DDX10: variants seen among roughly 807,000 people sequenced by gnomAD.
DDX10 encodes probable ATP-dependent RNA helicase DDX10.
A neutral mutation model predicts 104.3 loss-of-function variants in DDX10; 74 were observed. The observed-to-expected ratio is 0.71, with a 90% CI of 0.59 to 0.86. The LOEUF (loss-of-function observed/expected upper bound fraction) is 0.86, where lower values mean the gene tolerates loss of function less well. DDX10 is among the 40% of genes least tolerant of loss of function. The pLI, the probability that DDX10 is intolerant of heterozygous loss-of-function variation, is 0.00. For missense variants in DDX10, 952 were observed against 1,040.0 expected (o/e 0.92, Z 1.16); for synonymous variants, 351 against 353.4 (o/e 0.99, Z 0.08).
Position 108,778,582 on chromosome 11 carries a change from A to G in DDX10, c.1965+55120A>G, listed in dbSNP as rs565086545. ...AGACTTAAATATTAGACCTAAAACC[A>G]TAAAAACCCTAGAAGAAAACCTAGG... On this transcript the variant is annotated intron_variant, in intron 13 of 17. Coordinates refer to ENST00000322536, the MANE Select transcript of DDX10 (RefSeq NM_004398.4). 2.0e-5 allele frequency among the ~76,000 whole-genome samples: 3 copies of G among 152,336 alleles called. No individual in the cohort carries two copies. The East Asian group carries it at 5.8e-4, about 29-fold the overall frequency.
At chr11:108,884,806 C>T (rs1863273314) in intron 16 of DDX10, among the ~76,000 whole-genome samples, 1 of 152,206 alleles carries the variant, frequency 6.6e-6, no homozygotes, top group African/African-American at 2.4e-5. Context: ...TCCCCCTTAA[C>T]TTCAGTTATG....
At chr11:108,894,858 C>T (rs1056651206) in intron 16 of DDX10, among the ~76,000 whole-genome samples, 7 of 151,910 alleles carry the variant, frequency 4.6e-5, no homozygotes, top group African/African-American at 9.7e-5. Flanking sequence ...AGAGGAAAAA[C>T]GTCCTTTACT....
chr11:108,907,592 A>G (rs893795144), intron 16 of DDX10, among the ~76,000 whole-genome samples: 1 of 152,032 alleles, frequency 6.6e-6, no homozygotes, highest in African/African-American at 2.4e-5. Flanking sequence ...AAATTTCTAC[A>G]TGGTTAGGTG....
intron 17 of DDX10, among the ~76,000 whole-genome samples, chr11:108,925,603 G>A (rs992540000): frequency 5.9e-5 from 9 of 152,134 alleles, no homozygotes; most frequent in Admixed American, 5.9e-4. Context: ...CATGCCTAAT[G>A]ACTGCAAACT....
intron 15 of DDX10, among the ~76,000 whole-genome samples, chr11:108,843,586 C>T (rs1386542582): frequency 6.6e-6 from 1 of 151,770 alleles, no homozygotes; most frequent in Non-Finnish European, 1.5e-5. Context: ...AGTGAAACCC[C>T]ATCTACTAAA....
intron 10 of DDX10, among the ~76,000 whole-genome samples, chr11:108,707,173 T>A (rs2094277298): frequency 6.6e-6 from 1 of 152,218 alleles, no homozygotes; most frequent in Non-Finnish European, 1.5e-5. Context: ...GTCCATTCTG[T>A]GTGCTTGCAC....
chr11:108,935,402 T>G (rs1864024260), intron 17 of DDX10, among the ~76,000 whole-genome samples: 2 of 152,106 alleles, frequency 1.3e-5, no homozygotes. Flanking sequence ...TCTTTAAAGA[T>G]TATACTAATA....
chr11:108,707,517 G>A (rs1387513074), intron 10 of DDX10, among the ~76,000 whole-genome samples: 1 of 152,058 alleles, frequency 6.6e-6, no homozygotes, highest in African/African-American at 2.4e-5. Flanking sequence ...CCTACTGAAG[G>A]AGATTTTTTT....
At chr11:108,868,613 G>C (rs959548263) in intron 16 of DDX10, among the ~76,000 whole-genome samples, 2 of 152,024 alleles carry the variant, frequency 1.3e-5, no homozygotes, top group African/African-American at 4.8e-5. Flanking sequence ...GATGGCACTG[G>C]TCTAATGTTA....
intron 13 of DDX10, among the ~76,000 whole-genome samples, chr11:108,804,739 CT>C (rs1387572451): frequency 6.6e-6 from 1 of 152,100 alleles, no homozygotes; most frequent in Non-Finnish European, 1.5e-5. Context: ...GAATGCATTT[CT>C]TTTGACAGCT....
At chr11:108,757,822 AC>A (rs1231221255) in intron 13 of DDX10, among the ~76,000 whole-genome samples, 1 of 151,894 alleles carries the variant, frequency 6.6e-6, no homozygotes. Context: ...TCAGCTAGTT[AC>A]TGCTTGCTGT....
At chr11:108,926,980 C>G (rs888614021) in intron 17 of DDX10, among the ~76,000 whole-genome samples, 1 of 152,160 alleles carries the variant, frequency 6.6e-6, no homozygotes, top group Admixed American at 6.5e-5. Flanking sequence ...GCGCTAAATT[C>G]TTGTCTCTCA....
At chr11:108,811,744 T>C (rs953288439) in intron 13 of DDX10, among the ~76,000 whole-genome samples, 27 of 152,182 alleles carry the variant, frequency 1.8e-4, no homozygotes, top group African/African-American at 6.3e-4. Flanking sequence ...TGTCCAGTTA[T>C]ATTTTGTCAT....
At chr11:108,933,976 A>G (rs897385427) in intron 17 of DDX10, among the ~76,000 whole-genome samples, 4 of 152,218 alleles carry the variant, frequency 2.6e-5, no homozygotes, top group African/African-American at 9.7e-5. Flanking sequence ...TTTTGTCCTT[A>G]GGGAACTTGT....
rs1309761546 is a variant in DDX10, at chr11:108,836,908, C to CT, written c.1966-1536dup. Among the ~76,000 whole-genome samples, 3 of 152,308 alleles carry CT rather than the reference C, an allele frequency of 2.0e-5. No individual in the cohort carries two copies. The South Asian group carries it at 6.2e-4, about 32-fold the overall frequency. ...TGTAACAGTTGTGACCAATGCGCTG[C>CT]TTCCCAAAGCTTCTGGTAATTATAG... On this transcript the variant is annotated intron_variant, in intron 13 of 17. Coordinates refer to ENST00000322536, the MANE Select transcript of DDX10 (RefSeq NM_004398.4).
In DDX10 at chr11:108,701,308, C is replaced by A. The variant is rs188011115; in HGVS notation, c.1224-5431C>A. On this transcript the variant is annotated intron_variant, in intron 9 of 17. Coordinates refer to ENST00000322536, the MANE Select transcript of DDX10 (RefSeq NM_004398.4). The stretch of plus-strand genomic sequence containing the variant: ...CATAACAGACTGCACTGTTCTCCCC[C>A]AGTGACATGAAATCTTGGGGATGGT... 1.1e-4 allele frequency among the ~76,000 whole-genome samples: 16 copies of A among 152,200 alleles called. No individual in the cohort carries two copies. In the East Asian group the frequency reaches 2.9e-3, roughly 28 times the overall value.
At chr11:108,914,923 G>A (rs1308669858) in intron 16 of DDX10, among the ~76,000 whole-genome samples, 1 of 151,580 alleles carries the variant, frequency 6.6e-6, no homozygotes, top group Non-Finnish European at 1.5e-5. Context: ...AAGCAGTTTG[G>A]CATTGTCAGA....
At chr11:108,860,299 T>G (rs1269232815) in intron 16 of DDX10, among the ~76,000 whole-genome samples, 1 of 152,232 alleles carries the variant, frequency 6.6e-6, no homozygotes, top group Non-Finnish European at 1.5e-5. Context: ...CTTATTTGTT[T>G]TGCTAAATTC....
chr11:108,710,601 T>G (rs1287803270), intron 10 of DDX10, among the ~76,000 whole-genome samples: 7 of 152,168 alleles, frequency 4.6e-5, no homozygotes, highest in African/African-American at 1.7e-4. Flanking sequence ...CCTCCTTCTT[T>G]AGTACTTCCT....
Sources: gnomAD v4.1 joint callset for allele counts (sites outside exome capture counted in the v4.1 genomes callset) on GRCh38, gnomAD v4.1.1 for gene constraint, MANE v1.5 for transcripts, NCBI Gene and HGNC (gene_info 2026-07-23, HGNC 2026-07-21) for gene names.